The following STK36 variants were observed in gnomAD, a reference collection of about 807,000 sequenced individuals.
STK36 encodes serine/threonine-protein kinase 36.
Under a neutral mutation model 142.2 loss-of-function variants are expected in STK36, and 116 were observed. The ratio of observed to expected loss-of-function variants is 0.82; its 90% CI spans 0.70 to 0.95. STK36 has a LOEUF of 0.95. STK36 is among the 40% of genes least tolerant of loss of function. The probability of loss-of-function intolerance (pLI) is 0.00; values close to 1 mark genes in which losing one functional copy is unlikely to be tolerated. For missense variants in STK36, 1,422 were observed against 1,617.2 expected, an observed-to-expected ratio of 0.88 and a Z score of 2.07; for synonymous variants, 619 against 641.7, an observed-to-expected ratio of 0.96 and a Z score of 0.53.
Position 218,679,930 on chromosome 2 carries a change from A to T in STK36, c.986A>T (p.Asp329Val), listed in dbSNP as rs1940436156. ...ACAGGACCTGCCCTTGAGCAAGAGG[A>T]CAAGACCAGCAAGGTGGCTCCTGGC... ...QNTGPALEQE[D>V]KTSKVAPGTA... Residue 329 changes from aspartate (D) to valine (V), a missense_variant, in exon 9 of 27, where the codon GAC (aspartate) becomes GTC (valine). Around this residue, in one of 2 missense-constraint regions of STK36, gnomAD observed 460 missense variants for 449.6 expected, o/e 1.02. Transcript: ENST00000295709. The T allele has an allele frequency of 1.2e-6, 2 of 1,614,056 alleles. No homozygotes were observed. Among genetic ancestry groups the T allele is most frequent in the Non-Finnish European group, 1.7e-6 (2 of 1,180,022 alleles).
chr2:218,688,596 G>A, intron 11 of STK36, 101 bp from the exon 12 acceptor site: 5 of 1,281,300 alleles, frequency 3.9e-6, no homozygotes, highest in Admixed American at 2.2e-5. Context: ...GCAAGCATGT[G>A]GTCTGCTTTC....
In STK36 at chr2:218,699,065, T is replaced by A; in HGVS notation, c.3521T>A (p.Phe1174Tyr). ...CCTGTTGTGCGGTGCAGTGCCAGCT[T>A]TGCTGTGGGCAATGCAGCCTACCAG... ...KDPVVRCSAS[F>Y]AVGNAAYQAG... Residue 1174 changes from phenylalanine (F) to tyrosine (Y), a missense_variant, in exon 26 of 27, where the codon TTT (phenylalanine) becomes TAT (tyrosine). Coordinates refer to ENST00000295709, the MANE Select transcript of STK36 (RefSeq NM_015690.5). 6.2e-7 allele frequency: 1 copy of A among 1,614,028 alleles called. No individual in the cohort carries two copies. The highest frequency in any genetic ancestry group is 1.3e-5 in the African/African-American group (1 of 75,022).
chr2:218,685,992 T>C (rs992447080), intron 11 of STK36, among the ~76,000 whole-genome samples: 2 of 151,912 alleles, frequency 1.3e-5, no homozygotes, highest in African/African-American at 4.8e-5. Context: ...GGCTGGAGTG[T>C]AGTGGTGTGA....
chr2:218,696,424 T>C (rs1281126000), intron 21 of STK36, 103 bp from the exon 22 acceptor site: 1 of 971,858 alleles, frequency 1.0e-6, no homozygotes, highest in Non-Finnish European at 1.7e-6. Context: ...TCCGGTTGAC[T>C]CTCAAATCTG....
intron 4 of STK36, among the ~76,000 whole-genome samples, chr2:218,674,843 G>A (rs1940161481): frequency 6.6e-6 from 1 of 152,122 alleles, no homozygotes; most frequent in African/African-American, 2.4e-5. Context: ...CAGGTGATCT[G>A]CCCGCCTCAG....
chr2:218,676,223 G>A lies in STK36; in HGVS notation c.629G>A (p.Ser210Asn). The change falls in exon 6 of 27, where the codon AGC becomes AAC. Residue 210 changes from serine (S) to asparagine (N), a missense_variant. Physicochemically the swap from Ser to Asn is conservative, Grantham distance 46. Around this residue, in one of 2 missense-constraint regions of STK36, gnomAD observed 460 missense variants for 449.6 expected, o/e 1.02. Coordinates refer to ENST00000295709, the MANE Select transcript of STK36 (RefSeq NM_015690.5). ...GCTACAAGCATCTTTCAGCTGGTCA[G>A]CCTCATTCTCAAGGACCCTGTGCGC... The part of the protein sequence containing the change: ...FYATSIFQLV[S>N]LILKDPVRWP... 2 of 1,614,196 alleles carry A rather than the reference G, an allele frequency of 1.2e-6. No homozygotes were observed. Among genetic ancestry groups the A allele is most frequent in the Non-Finnish European group, 1.7e-6 (2 of 1,180,042 alleles).
chr2:218,684,490 G>T (rs1413059532), intron 10 of STK36, among the ~76,000 whole-genome samples: 1 of 120,032 alleles, frequency 8.3e-6, no homozygotes, highest in East Asian at 2.7e-4. Flanking sequence ...GTGACATCTC[G>T]GCTCACTGCA....
Position 218,698,863 on chromosome 2 carries a change from T to C in STK36, c.3319T>C (p.Ser1107Pro). The change falls in exon 26 of 27, where the codon TCT (serine) becomes CCT (proline). Residue 1107 changes from serine to proline, a missense_variant. By Grantham distance (74) the Ser-to-Pro change is moderately conservative. Coordinates refer to ENST00000295709, the MANE Select transcript of STK36 (RefSeq NM_015690.5). ...CTTTATCCAAGAGCTTCTGGCTGGC[T>C]CTGATGAATCCTATCGGCCCCTGCG... Reference protein sequence around the residue: ...LSFIQELLAGSDESYRPLRSL... With the variant: ...LSFIQELLAGPDESYRPLRSL... 1.9e-6 allele frequency: 3 copies of C among 1,614,202 alleles called. No individual in the cohort carries two copies. The highest frequency in any genetic ancestry group is 2.5e-6 in the Non-Finnish European group (3 of 1,180,032).
chr2:218,686,228 C>T (rs1273993937), intron 11 of STK36, among the ~76,000 whole-genome samples: 3 of 151,856 alleles, frequency 2.0e-5, no homozygotes, highest in African/African-American at 2.4e-5. Flanking sequence ...CGTGAACCAC[C>T]GTGCCCAGCC....
At chr2:218,673,797 C>T (rs745562452) in intron 3 of STK36, 32 bp downstream of exon 3, 1 of 1,613,314 alleles carries the variant, frequency 6.2e-7, no homozygotes, top group Admixed American at 1.7e-5. Context: ...CCCTGTCTCC[C>T]CAAGCACAAG....
chr2:218,677,939 C>T (rs1249713121), intron 6 of STK36, among the ~76,000 whole-genome samples: 3 of 152,070 alleles, frequency 2.0e-5, no homozygotes, highest in Non-Finnish European at 4.4e-5. Context: ...TACAGGTGCC[C>T]ACCACCACAC....
chr2:218,679,037 G>C (rs2106346945), intron 6 of STK36, 131 bp from the exon 7 acceptor site: 2 of 818,750 alleles, frequency 2.4e-6, no homozygotes, highest in Non-Finnish European at 1.9e-6. Flanking sequence ...AAAGTTTTTA[G>C]AGGGCATGAT....
intron 26 of STK36, 131 bp from the exon 27 acceptor site, chr2:218,701,735 G>T: frequency 9.3e-7 from 1 of 1,070,516 alleles, no homozygotes; most frequent in Non-Finnish European, 1.3e-6. Context: ...AAGTCCCCAA[G>T]AGCCCATTTC....
chr2:218,698,920 C>T lies in STK36; in HGVS notation c.3376C>T (p.Arg1126Trp), dbSNP rs530529613. ...CCTGGGCCACCCAGAGAATTCTGTG[C>T]GGGCACACACTTATAGGCTCCTGGG... ...SLLGHPENSV[R>W]AHTYRLLGHL... The change falls in exon 26 of 27, where the codon CGG becomes TGG. Residue 1126 changes from arginine to tryptophan, a missense_variant. Physicochemically the swap from Arg to Trp is moderately radical, Grantham distance 101 (BLOSUM62 -3). This residue lies in a region of STK36 where 962 missense variants were observed against 1,167.5 expected (regional missense o/e 0.82). Coordinates refer to ENST00000295709, the MANE Select transcript of STK36 (RefSeq NM_015690.5). The T allele has an allele frequency of 1.7e-5, 27 of 1,614,088 alleles. No individual in the cohort carries two copies. Among genetic ancestry groups the T allele is most frequent in the South Asian group, 4.4e-5 (4 of 91,084 alleles).
chr2:218,700,298 G>A (rs1278001464), intron 26 of STK36, among the ~76,000 whole-genome samples: 2 of 152,106 alleles, frequency 1.3e-5, no homozygotes, highest in Non-Finnish European at 2.9e-5. Context: ...CTGCCTCCAG[G>A]TTCAGCCAAT....
rs1220800419 is a variant in STK36, at chr2:218,677,968, T to C, written c.685-1200T>C. On this transcript the variant is annotated intron_variant, in intron 6 of 26. Coordinates refer to ENST00000295709, the MANE Select transcript of STK36 (RefSeq NM_015690.5). ...ACCACACCTGGCTAATTTTTTGTAA[T>C]TTTTAGTAGAGACGGGGTTTCACCG... is the stretch of plus-strand genomic sequence containing the variant. 2.6e-5 allele frequency among the ~76,000 whole-genome samples: 4 copies of C among 152,190 alleles called. No individual in the cohort carries two copies. The East Asian group carries it at 7.7e-4, about 29-fold the overall frequency.
At chr2:218,688,948 C>A in intron 12 of STK36, 72 bp downstream of exon 12, 1 of 1,437,432 alleles carries the variant, frequency 7.0e-7, no homozygotes, top group Non-Finnish European at 9.3e-7. Context: ...ATTCAGATTG[C>A]CATCTCTCTT....
At chr2:218,700,423 A>T (rs1941400474) in intron 26 of STK36, among the ~76,000 whole-genome samples, 1 of 151,528 alleles carries the variant, frequency 6.6e-6, no homozygotes, top group South Asian at 2.1e-4. Context: ...TATTTTTAAG[A>T]TGGAGTCTCG....
intron 6 of STK36, 31 bp downstream of exon 6, chr2:218,676,309 A>G (rs763227939): frequency 6.2e-7 from 1 of 1,610,964 alleles, no homozygotes; most frequent in Non-Finnish European, 8.5e-7. Context: ...GATGACTTTT[A>G]CATTAGAAAT....
Sources: allele counts gnomAD v4.1 joint callset (sites outside exome capture counted in the v4.1 genomes callset), GRCh38; gene constraint gnomAD v4.1.1; regional missense constraint gnomAD v4.1.1; transcripts MANE v1.5; gene names NCBI Gene and HGNC (gene_info 2026-07-23, HGNC 2026-07-21).